The following MAST4 variants were observed in gnomAD, a reference collection of about 807,000 sequenced individuals.
MAST4 encodes the protein microtubule-associated serine/threonine-protein kinase 4.
MAST4 carries 89 observed loss-of-function variants against 162.7 expected under a neutral mutation model. That is an observed-to-expected ratio of 0.55 (90% CI 0.46 to 0.65). The LOEUF is 0.65. Among genes scored for constraint, MAST4 ranks in the 30% least tolerant of loss-of-function variants. The pLI is 0.00. For missense variants in MAST4, 3,153 were observed against 3,374.0 expected (o/e 0.93, Z 1.62); for synonymous variants, 1,479 against 1,361.1 (o/e 1.09, Z -1.91).
intron 5 of MAST4, among the ~76,000 whole-genome samples, chr5:67,067,295 T>G (rs1462016754): frequency 6.6e-6 from 1 of 152,190 alleles, no homozygotes; most frequent in Admixed American, 6.5e-5. Flanking sequence ...TAGCAGCAAT[T>G]CTACTTTGGG....
intron 1 of MAST4, among the ~76,000 whole-genome samples, chr5:66,735,447 T>C (rs1752100150): frequency 6.6e-6 from 1 of 152,208 alleles, no homozygotes; most frequent in Admixed American, 6.5e-5. Context: ...TCTGTGATAT[T>C]TGGTATACAA....
chr5:66,680,280 C>G (rs541267974), intron 1 of MAST4, among the ~76,000 whole-genome samples: 1 of 152,294 alleles, frequency 6.6e-6, no homozygotes, highest in Non-Finnish European at 1.5e-5. Context: ...AGAGGATTCA[C>G]TCGTTTGTAA....
rs1755230384 is a variant in MAST4 at position 66,788,619 on chromosome 5, A to G, written c.518-51A>G. 14 of 1,588,502 alleles carry G rather than the reference A, an allele frequency of 8.8e-6. No homozygotes were observed. The Admixed American group carries it at 2.4e-4, about 27-fold the overall frequency. On this transcript the variant is annotated intron_variant, in intron 2 of 28. Transcript: ENST00000403625. ...CCACCCCCACCCCCATTGCAATAAG[A>G]CTACTACCGGCTGCCTGTCACTTAC...
intron 1 of MAST4, among the ~76,000 whole-genome samples, chr5:66,737,534 C>T (rs770759106): frequency 2.6e-5 from 4 of 152,124 alleles, no homozygotes; most frequent in African/African-American, 4.8e-5. Context: ...ATAAGATCAC[C>T]GCGCCTGGGC....
At chr5:67,135,929 A>G (rs1412394527) in intron 18 of MAST4, among the ~76,000 whole-genome samples, 1 of 152,240 alleles carries the variant, frequency 6.6e-6, no homozygotes, top group African/African-American at 2.4e-5. Flanking sequence ...TCAGAATGAG[A>G]AAGTATTCTT....
At chr5:67,055,874 A>G (rs1758741975) in intron 5 of MAST4, among the ~76,000 whole-genome samples, 1 of 152,110 alleles carries the variant, frequency 6.6e-6, no homozygotes, top group East Asian at 1.9e-4. Context: ...AAAGAAGTGA[A>G]CACTACTCAG....
At chr5:66,937,040 T>C (rs898881442) in intron 4 of MAST4, among the ~76,000 whole-genome samples, 1 of 152,172 alleles carries the variant, frequency 6.6e-6, no homozygotes, top group Non-Finnish European at 1.5e-5. Context: ...CCAGTAAGCT[T>C]TCACTCATTG....
chr5:66,781,273 C>T (rs900099109), intron 2 of MAST4, among the ~76,000 whole-genome samples: 3 of 152,174 alleles, frequency 2.0e-5, no homozygotes, highest in African/African-American at 7.2e-5. Context: ...TGAGAATGTC[C>T]CTGCTCCCAG....
intron 1 of MAST4, among the ~76,000 whole-genome samples, chr5:66,749,299 C>T (rs539348151): frequency 6.6e-6 from 1 of 152,242 alleles, no homozygotes; most frequent in Admixed American, 6.5e-5. Flanking sequence ...CTGTTCCTGG[C>T]AATTCCCACT....
chr5:67,100,356 T>G, intron 7 of MAST4, 79 bp from the exon 8 acceptor site: 2 of 1,439,308 alleles, frequency 1.4e-6, no homozygotes, highest in Non-Finnish European at 1.9e-6. Flanking sequence ...TTGTCCAAGT[T>G]TAACTCATCG....
chr5:66,809,383 T>C (rs555511970), intron 3 of MAST4, among the ~76,000 whole-genome samples: 1 of 152,310 alleles, frequency 6.6e-6, no homozygotes, highest in South Asian at 2.1e-4. Flanking sequence ...ATAGTTGTGA[T>C]TGGCAGTTGA....
At chr5:66,969,394 G>T (rs934956030) in intron 4 of MAST4, among the ~76,000 whole-genome samples, 1 of 152,168 alleles carries the variant, frequency 6.6e-6, no homozygotes, top group African/African-American at 2.4e-5. Context: ...CTTCTTGAAC[G>T]CTCATTGTCT....
intron 12 of MAST4, among the ~76,000 whole-genome samples, chr5:67,115,414 C>T (rs1249420066): frequency 6.6e-6 from 1 of 152,264 alleles, no homozygotes; most frequent in African/African-American, 2.4e-5. Context: ...CTGCCCTGCT[C>T]TCCTGTTTCC....
At chr5:67,004,834 G>T in intron 4 of MAST4, 1 of 601,022 alleles carries the variant, frequency 1.7e-6, no homozygotes. Flanking sequence ...GCTCCAAGTT[G>T]TTCTTGAGAT....
At chr5:67,126,054 G>A (rs956915915) in intron 14 of MAST4, among the ~76,000 whole-genome samples, 14 of 152,152 alleles carry the variant, frequency 9.2e-5, no homozygotes, top group Non-Finnish European at 1.9e-4. Context: ...TTTGAGAAGT[G>A]TCTGTTCATA....
At chr5:67,107,683 CA>C (rs1765750072) in intron 10 of MAST4, among the ~76,000 whole-genome samples, 1 of 152,198 alleles carries the variant, frequency 6.6e-6, no homozygotes, top group Non-Finnish European at 1.5e-5. Context: ...CCATTTTTCC[CA>C]TTGTCTGTCT....
At chr5:67,139,408 T>C (rs949454049) in intron 19 of MAST4, among the ~76,000 whole-genome samples, 1 of 152,186 alleles carries the variant, frequency 6.6e-6, no homozygotes, top group Non-Finnish European at 1.5e-5. Flanking sequence ...TAACTTGCAA[T>C]TTGGGAGCTT....
At chr5:66,755,496 T>C (rs541676549) in intron 1 of MAST4, among the ~76,000 whole-genome samples, 1 of 152,278 alleles carries the variant, frequency 6.6e-6, no homozygotes, top group African/African-American at 2.4e-5. Flanking sequence ...TATAGACAGA[T>C]GGGTGGTATT....
rs116186268 is a variant in MAST4, at chr5:66,729,050, G to A, written c.364-30659G>A. ...ATACTGTATTCTCAGGGAAGTCAAA[G>A]CAAAACCACGTAATAGTGAGCTCTT... On this transcript the variant is annotated intron_variant, in intron 1 of 28. Transcript: ENST00000403625. 8.5e-4 allele frequency among the ~76,000 whole-genome samples: 129 copies of A among 152,260 alleles called. 1 individual carries two copies. Among genetic ancestry groups the A allele is most frequent in the African/African-American group, 3.0e-3 (124 of 41,564 alleles).
Sources: allele counts gnomAD v4.1 joint callset (sites outside exome capture counted in the v4.1 genomes callset), GRCh38; gene constraint gnomAD v4.1.1; transcripts MANE v1.5; gene names NCBI Gene and HGNC (gene_info 2026-07-23, HGNC 2026-07-21).